Variants in MRTFB observed in about 807,000 individuals in gnomAD.
MRTFB encodes myocardin-related transcription factor B.
Under a neutral mutation model 104.2 loss-of-function variants are expected in MRTFB, and 29 were observed. The observed-to-expected ratio is 0.28, with a 90% CI of 0.21 to 0.38. MRTFB has a LOEUF of 0.38. MRTFB is among the 10% of genes least tolerant of loss of function. The probability of loss-of-function intolerance (pLI) is 1.00; values close to 1 mark genes in which losing one functional copy is unlikely to be tolerated. For missense variants in MRTFB, 1,270 were observed against 1,341.6 expected (o/e 0.95, Z 0.83); for synonymous variants, 535 against 519.5 (o/e 1.03, Z -0.41).
intron 8 of MRTFB, among the ~76,000 whole-genome samples, chr16:14,233,887 CTT>C (rs937440019): frequency 6.6e-6 from 1 of 150,796 alleles, no homozygotes; most frequent in African/African-American, 2.4e-5. Flanking sequence ...TTCTGACTGT[CTT>C]TTTGAGAAAA....
chr16:14,132,412 G>A (rs2037486768), intron 2 of MRTFB, among the ~76,000 whole-genome samples: 1 of 151,820 alleles, frequency 6.6e-6, no homozygotes, highest in African/African-American at 2.4e-5. Context: ...ACTTTAAGAT[G>A]GTTAAGAACC....
Position 14,247,021 on chromosome 16 carries a change from A to T in MRTFB, c.1761A>T (p.Lys587Asn), listed in dbSNP as rs753672664. The T allele has an allele frequency of 9.9e-6, 16 of 1,614,224 alleles. No homozygotes were observed. Among genetic ancestry groups the T allele is most frequent in the Non-Finnish European group, 1.4e-5 (16 of 1,180,044 alleles). The change falls in exon 12 of 17, where the codon AAA becomes AAT. Residue 587 changes from lysine to asparagine, a missense_variant. Lys to Asn is a moderately conservative substitution (Grantham distance 94). This residue lies in a region of MRTFB where 1,144 missense variants were observed against 1,131.5 expected (regional missense o/e 1.01). Coordinates refer to ENST00000571589, the MANE Select transcript of MRTFB (RefSeq NM_001308142.2). ...KEKQIEELKR[K>N]LEQEQKLVEV... is the part of the protein sequence containing the mutation. Reference sequence around the variant, plus strand: ...AGCAAATCGAAGAGCTGAAGAGGAAACTGGAACAAGAGCAGAAGCTCGTGG... The same window carrying T: ...AGCAAATCGAAGAGCTGAAGAGGAATCTGGAACAAGAGCAGAAGCTCGTGG...
intron 8 of MRTFB, among the ~76,000 whole-genome samples, chr16:14,225,131 A>C (rs1410864906): frequency 6.6e-6 from 1 of 152,194 alleles, no homozygotes; most frequent in Non-Finnish European, 1.5e-5. Context: ...GGTTGTGGTG[A>C]GCCATGATCG....
chr16:14,004,608 C>T, the MRTFB span, among the ~76,000 whole-genome samples: 639 of 152,228 alleles, frequency 4.2e-3, 3 homozygotes, highest in African/African-American at 0.015. Context: ...TCCCATTGGC[C>T]ACAAAGACTT....
the MRTFB span, among the ~76,000 whole-genome samples, chr16:14,058,512 G>C: frequency 6.6e-6 from 1 of 151,850 alleles, no homozygotes; most frequent in Non-Finnish European, 1.5e-5. Flanking sequence ...GGTAGGTACT[G>C]TCTCAGATGT....
At position 14,212,395 on chromosome 16, in the gene MRTFB, T is replaced by C. The variant is rs776629432; in HGVS notation, c.262T>C (p.Leu88=). Residue 88 remains leucine, a synonymous_variant, in exon 5 of 17, where the codon TTG becomes CTG. Coordinates refer to ENST00000571589, the MANE Select transcript of MRTFB (RefSeq NM_001308142.2). ...GGCATTCCATGAACAGATAAAAAGC[T>C]TGGAACGAGCCAGAGTAAGACATTT... is the stretch of plus-strand genomic sequence containing the variant. ...PAAFHEQIKS[L]ERARTENFLK... 3 of 1,613,828 alleles carry C rather than the reference T, an allele frequency of 1.9e-6. No individual in the cohort carries two copies. Among genetic ancestry groups the C allele is most frequent in the South Asian group, 1.1e-5 (1 of 91,078 alleles).
At position 14,246,838 on chromosome 16, in the gene MRTFB, C is replaced by G; in HGVS notation, c.1578C>G (p.Phe526Leu). The change falls in exon 12 of 17, where the codon TTC becomes TTG. Residue 526 changes from phenylalanine to leucine, a missense_variant. Phe to Leu is a conservative substitution (Grantham distance 22). Coordinates refer to ENST00000571589, the MANE Select transcript of MRTFB (RefSeq NM_001308142.2). ...ATGACACAAACATGGCAGACACTTT[C>G]ACCGAGATTATGACCATGATGTCGC... Reference protein sequence around the residue: ...STDDTNMADTFTEIMTMMSPS... With the variant: ...STDDTNMADTLTEIMTMMSPS... The G allele has an allele frequency of 6.2e-7, 1 of 1,612,658 alleles. No homozygotes were observed. The highest frequency in any genetic ancestry group is 8.5e-7 in the Non-Finnish European group (1 of 1,180,030).
intron 4 of MRTFB, 58 bp downstream of exon 4, chr16:14,210,366 A>G: frequency 1.5e-6 from 2 of 1,323,208 alleles, no homozygotes; most frequent in South Asian, 1.3e-5. Flanking sequence ...GGGCGTGTCC[A>G]AGAAGAGCCT....
chr16:14,199,571 A>C (rs1438748979), intron 3 of MRTFB, among the ~76,000 whole-genome samples: 1 of 152,212 alleles, frequency 6.6e-6, no homozygotes, highest in African/African-American at 2.4e-5. Flanking sequence ...CTTAAGCCTG[A>C]AACCCAGGAT....
chr16:14,181,596 A>G (rs1019510734), intron 3 of MRTFB, among the ~76,000 whole-genome samples: 53 of 152,350 alleles, frequency 3.5e-4, no homozygotes, highest in African/African-American at 1.2e-3. Context: ...GTATGCCTCA[A>G]TATTTACCCA....
intron 3 of MRTFB, among the ~76,000 whole-genome samples, chr16:14,150,262 C>T (rs1321217079): frequency 1.3e-5 from 2 of 152,166 alleles, no homozygotes; most frequent in Non-Finnish European, 2.9e-5. Flanking sequence ...ATCAAGTAAT[C>T]TAAATCAAGT....
the MRTFB span, among the ~76,000 whole-genome samples, chr16:14,052,575 T>TA: frequency 6.6e-6 from 1 of 151,864 alleles, no homozygotes; most frequent in African/African-American, 2.4e-5. Context: ...CCGTCTCTAC[T>TA]AAAAATACAA....
At chr16:14,147,664 C>T (rs1017118325) in intron 3 of MRTFB, among the ~76,000 whole-genome samples, 11 of 152,162 alleles carry the variant, frequency 7.2e-5, no homozygotes, top group South Asian at 4.2e-4. Flanking sequence ...TGATCTCCTG[C>T]GGGAGTAGCA....
At chr16:14,029,445 T>TATATATATACACAC in the MRTFB span, among the ~76,000 whole-genome samples, 1 of 85,954 alleles carries the variant, frequency 1.2e-5, no homozygotes, top group East Asian at 2.8e-4. Flanking sequence ...TATATATATA[T>TATATATATACACAC]ACACACACAC....
the MRTFB span, among the ~76,000 whole-genome samples, chr16:14,036,117 A>T: frequency 4.5e-3 from 45 of 10,108 alleles, no homozygotes; most frequent in Middle Eastern, 0.083. Context: ...AATATATATT[A>T]TATAAAATAT....
the MRTFB span, among the ~76,000 whole-genome samples, chr16:14,066,022 TCTCTTC>T: frequency 4.6e-5 from 7 of 152,178 alleles, no homozygotes; most frequent in African/African-American, 1.7e-4. Flanking sequence ...TTAACACCTC[TCTCTTC>T]CTCTAGACCA....
At chr16:14,185,072 C>T (rs2039902241) in intron 3 of MRTFB, among the ~76,000 whole-genome samples, 2 of 152,172 alleles carry the variant, frequency 1.3e-5, no homozygotes, top group Admixed American at 1.3e-4. Flanking sequence ...GTAGTTTCTT[C>T]AGAAGAATGT....
chr16:14,023,672 T>C, the MRTFB span, among the ~76,000 whole-genome samples: 26 of 143,054 alleles, frequency 1.8e-4, no homozygotes, highest in African/African-American at 7.2e-4. Flanking sequence ...TGTGTGTGTG[T>C]GTGTCTATAT....
chr16:14,102,808 C>G (rs903000123), intron 2 of MRTFB, among the ~76,000 whole-genome samples: 1 of 152,294 alleles, frequency 6.6e-6, no homozygotes, highest in African/African-American at 2.4e-5. Flanking sequence ...ATAATATTCA[C>G]ATAGTATGTG....
Sources: gnomAD v4.1 joint callset for allele counts (sites outside exome capture counted in the v4.1 genomes callset) on GRCh38, gnomAD v4.1.1 for gene constraint, gnomAD v4.1.1 regional missense constraint, MANE v1.5 for transcripts, NCBI Gene and HGNC (gene_info 2026-07-23, HGNC 2026-07-21) for gene names.